RIOK2: variants seen among roughly 807,000 people sequenced by gnomAD.
The protein encoded by RIOK2 is serine/threonine-protein kinase RIO2.
In RIOK2, 46 loss-of-function variants were observed where a neutral mutation model predicts 62.4. The observed-to-expected ratio is 0.74, with a 90% CI of 0.58 to 0.94. RIOK2 has a LOEUF of 0.94. RIOK2 is among the 40% of genes least tolerant of loss of function. The pLI, the probability that RIOK2 is intolerant of heterozygous loss-of-function variation, is 0.00. For synonymous variants in RIOK2, 197 were observed against 216.0 expected (o/e 0.91, Z 0.77); for missense variants, 574 against 658.0 (o/e 0.87, Z 1.40).
chr5:97,183,025 G>T, intron 1 of RIOK2, 101 bp downstream of exon 1: 2 of 1,241,102 alleles, frequency 1.6e-6, no homozygotes, highest in Non-Finnish European at 2.4e-6. Flanking sequence ...CACGTCCCGG[G>T]TCCCAGAGTG....
chr5:97,175,619 A>G (rs1749144115), intron 4 of RIOK2, among the ~76,000 whole-genome samples: 1 of 152,224 alleles, frequency 6.6e-6, no homozygotes, highest in Non-Finnish European at 1.5e-5. Context: ...GTACATTGAC[A>G]TGTATGGTAT....
At chr5:97,182,533 C>A (rs1749441230) in intron 1 of RIOK2, among the ~76,000 whole-genome samples, 1 of 152,052 alleles carries the variant, frequency 6.6e-6, no homozygotes, top group African/African-American at 2.4e-5. Context: ...TAACTTGTGC[C>A]CCTCCTCTCC....
chr5:97,179,181 T>G lies in RIOK2; in HGVS notation c.79A>C (p.Met27Leu). The change falls in exon 2 of 10, where the codon ATG becomes CTG. Residue 27 changes from methionine to leucine, a missense_variant. Met to Leu is a conservative substitution (Grantham distance 15, BLOSUM62 2). Transcript: ENST00000283109. The part of the protein sequence containing the change: ...FRVLTAVEMG[M>L]KNHEIVPGSL... Reference sequence around the variant, plus strand: ...CCGGGAACAATTTCATGGTTCTTCATGCCCATTTCAACCTGAAATTAAAGG... The same window carrying G: ...CCGGGAACAATTTCATGGTTCTTCAGGCCCATTTCAACCTGAAATTAAAGG... 1 of 1,613,404 alleles carries G rather than the reference T, an allele frequency of 6.2e-7. No homozygotes were observed.
At chr5:97,167,108 G>T in intron 8 of RIOK2, 2 of 656,662 alleles carry the variant, frequency 3.0e-6, no homozygotes, top group Non-Finnish European at 3.9e-6. Context: ...GTAGAGACAG[G>T]GTTTTGCCAT....
chr5:97,180,138 A>ACG (rs1554083608), intron 1 of RIOK2, among the ~76,000 whole-genome samples: 1 of 34,922 alleles, frequency 2.9e-5, no homozygotes, highest in Non-Finnish European at 6.9e-5. Flanking sequence ...ATATATATAT[A>ACG]TATGTATATA....
intron 5 of RIOK2, 142 bp from the exon 6 acceptor site, chr5:97,171,539 T>TA: frequency 2.2e-6 from 1 of 452,726 alleles, no homozygotes; most frequent in Non-Finnish European, 3.7e-6. Context: ...AGCACACAGA[T>TA]ATAATATCTC....
intron 1 of RIOK2, among the ~76,000 whole-genome samples, chr5:97,181,849 T>C (rs2112851292): frequency 6.6e-6 from 1 of 152,288 alleles, no homozygotes; most frequent in Admixed American, 6.5e-5. Flanking sequence ...CTTTCCGAAG[T>C]GATAGTAGGT....
At chr5:97,165,574 G>GT (rs1157951936) in intron 8 of RIOK2, among the ~76,000 whole-genome samples, 2 of 152,190 alleles carry the variant, frequency 1.3e-5, no homozygotes, top group South Asian at 4.1e-4. Flanking sequence ...CTCCACTAGG[G>GT]TAGGAAAATC....
Position 97,163,068 on chromosome 5 carries a change from C to T in RIOK2, c.1652G>A (p.Gly551Glu), listed in dbSNP as rs772631373. ...KSSLEAASFW[G>E]E ...TCCAAGATCCTAAATATATTATTCT[C>T]CCCAAAAGCTGGCTGCTTCCAAACT... Residue 551 changes from glycine (G) to glutamate (E), a missense_variant, in exon 10 of 10, where the codon GGA becomes GAA. Coordinates refer to ENST00000283109, the MANE Select transcript of RIOK2 (RefSeq NM_018343.3). 3.1e-6 allele frequency: 5 copies of T among 1,610,400 alleles called. No individual in the cohort carries two copies. The highest frequency in any genetic ancestry group is 4.2e-6 in the Non-Finnish European group (5 of 1,177,844).
rs1748681065 is a variant in RIOK2, at chr5:97,161,053, G to T, written c.*2008C>A. On this transcript the variant is annotated 3_prime_UTR_variant, in exon 10 of 10. Transcript: ENST00000283109. ...TTGGTAACCTTAAGAAGTCATTTTA[G>T]CAGTACTAACCATACAGTATATGTC... 1 of 152,162 alleles carries T rather than the reference G, an allele frequency of 6.6e-6. No individual in the cohort carries two copies. Among genetic ancestry groups the T allele is most frequent in the Non-Finnish European group, 1.5e-5 (1 of 68,028 alleles). 9.4% of individuals were successfully genotyped at this position (152,162 alleles called of 1,614,324 possible). A position where few individuals can be genotyped will look rare whatever the true frequency, so the allele number is the denominator to read the frequency against.
At chr5:97,173,096 T>TA (rs1014609707) in intron 5 of RIOK2, 79 bp downstream of exon 5, 21 of 1,022,004 alleles carry the variant, frequency 2.1e-5, no homozygotes, top group Admixed American at 5.6e-5. Flanking sequence ...TTTCATTAAC[T>TA]AAAAAAAATT....
Position 97,165,124 on chromosome 5 carries a change from A to T in RIOK2, c.1421T>A (p.Met474Lys), listed in dbSNP as rs1049803776. Reference protein sequence around the residue: ...PFRDEENVGAMNQYRTRTLSI... With the variant: ...PFRDEENVGAKNQYRTRTLSI... ...CAGAGTTCTTGTTCTATACTGATTC[A>T]TAGCTCCCACATTTTCTTCATCTCT... The change falls in exon 9 of 10, where the codon ATG (methionine) becomes AAG (lysine). Residue 474 changes from methionine (M) to lysine (K), a missense_variant. By Grantham distance (95) the Met-to-Lys change is moderately conservative. Transcript: ENST00000283109. 14 of 1,479,136 alleles carry T rather than the reference A, an allele frequency of 9.5e-6. No homozygotes were observed. The highest frequency in any genetic ancestry group is 1.4e-5 in the African/African-American group (1 of 70,524). 91.6% of individuals were successfully genotyped at this position (1,479,136 alleles called of 1,614,324 possible).
At chr5:97,169,033 C>G (rs1314505656) in intron 6 of RIOK2, among the ~76,000 whole-genome samples, 181 bp from the exon 7 acceptor site, 4 of 152,070 alleles carry the variant, frequency 2.6e-5, no homozygotes, top group African/African-American at 9.7e-5. Context: ...AACTAAAATC[C>G]AAGGAAATCT....
intron 5 of RIOK2, 127 bp downstream of exon 5, chr5:97,173,048 T>G: frequency 1.6e-6 from 1 of 616,642 alleles, no homozygotes. Flanking sequence ...TCTTTGAGTC[T>G]ATTCCTTTAA....
At chr5:97,166,201 T>C in intron 8 of RIOK2, 1 of 411,540 alleles carries the variant, frequency 2.4e-6, no homozygotes, top group Non-Finnish European at 4.9e-6. Flanking sequence ...CATGGGCTAA[T>C]TCCTTAAAAT....
At position 97,171,326 on chromosome 5, in the gene RIOK2, G is replaced by A; in HGVS notation, c.659C>T (p.Ala220Val). 2 of 1,609,480 alleles carry A rather than the reference G, an allele frequency of 1.2e-6. No individual in the cohort carries two copies. Among genetic ancestry groups the A allele is most frequent in the East Asian group, 2.2e-5 (1 of 44,696 alleles). ...DEAMELIVKL[A>V]NHGLIHGDFN... is the part of the protein sequence containing the mutation. ...ATCTCCATGAATCAGCCCATGATTT[G>A]CAAGTTTGACAATTAGTTCCATAGC... Residue 220 changes from alanine to valine, a missense_variant, in exon 6 of 10, where the codon GCA becomes GTA. Physicochemically the swap from Ala to Val is moderately conservative, Grantham distance 64. Coordinates refer to ENST00000283109, the MANE Select transcript of RIOK2 (RefSeq NM_018343.3).
rs749646665 is a variant in RIOK2 at position 97,179,170 on chromosome 5, A to G, written c.90T>C (p.His30=). The G allele has an allele frequency of 6.2e-7, 1 of 1,613,722 alleles. No homozygotes were observed. The highest frequency in any genetic ancestry group is 1.7e-5 in the Admixed American group (1 of 59,980). Residue 30 remains histidine (H), a synonymous_variant, in exon 2 of 10, where the codon CAT becomes CAC. Coordinates refer to ENST00000283109, the MANE Select transcript of RIOK2 (RefSeq NM_018343.3). The part of the protein sequence containing the change: ...LTAVEMGMKN[H]EIVPGSLIAS... Reference sequence around the variant, plus strand: ...CAATCAAACTGCCGGGAACAATTTCATGGTTCTTCATGCCCATTTCAACCT... The same window carrying G: ...CAATCAAACTGCCGGGAACAATTTCGTGGTTCTTCATGCCCATTTCAACCT...
rs188871124 is a variant in RIOK2 at position 97,163,123 on chromosome 5, G to A, written c.1597C>T (p.Arg533Cys). Residue 533 changes from arginine to cysteine, a missense_variant, in exon 10 of 10, where the codon CGT (arginine) becomes TGT (cysteine). By Grantham distance (180) the Arg-to-Cys change is radical. Coordinates refer to ENST00000283109, the MANE Select transcript of RIOK2 (RefSeq NM_018343.3). ...KGEANIFTKQ[R>C]RENMQNIKSS... ...TTGATATTTTGCATGTTTTCCCTAC[G>A]TTGCTTGGTAAATATATTTGCTTCT... The A allele has an allele frequency of 8.7e-6, 14 of 1,613,380 alleles. No individual in the cohort carries two copies. Among genetic ancestry groups the A allele is most frequent in the East Asian group, 4.5e-5 (2 of 44,788 alleles).
At chr5:97,181,145 G>A (rs564933334) in intron 1 of RIOK2, among the ~76,000 whole-genome samples, 14 of 151,740 alleles carry the variant, frequency 9.2e-5, no homozygotes, top group East Asian at 1.9e-4. Context: ...GGTGGTGTGC[G>A]CCTATAGTCC....
Sources: gnomAD v4.1 joint callset for allele counts (sites outside exome capture counted in the v4.1 genomes callset) on GRCh38, gnomAD v4.1.1 for gene constraint, MANE v1.5 for transcripts, NCBI Gene and HGNC (gene_info 2026-07-23, HGNC 2026-07-21) for gene names.